LHFPL6: variants seen among roughly 807,000 people sequenced by gnomAD.
LHFPL6 encodes LHFPL tetraspan subfamily member 6 protein.
LHFPL6 carries 9 observed loss-of-function variants against 20.6 expected under a neutral mutation model. That is an observed-to-expected ratio of 0.44 (90% CI 0.26 to 0.76). LHFPL6 has a LOEUF of 0.76. LHFPL6 is among the 30% of genes least tolerant of loss of function. The pLI, the probability that LHFPL6 is intolerant of heterozygous loss-of-function variation, is 0.20. For synonymous variants in LHFPL6, 105 were observed against 98.7 expected, an observed-to-expected ratio of 1.06 and a Z score of -0.38; for missense variants, 218 against 253.5, an observed-to-expected ratio of 0.86 and a Z score of 0.95.
At chr13:39,386,776 C>A (rs1352369921) in intron 2 of LHFPL6, among the ~76,000 whole-genome samples, 1 of 152,172 alleles carries the variant, frequency 6.6e-6, no homozygotes, top group Non-Finnish European at 1.5e-5. Context: ...TGCCTGGGTG[C>A]CCTGGCCAGA....
intron 2 of LHFPL6, among the ~76,000 whole-genome samples, chr13:39,419,761 C>A (rs955143788): frequency 6.6e-6 from 1 of 152,048 alleles, no homozygotes; most frequent in African/African-American, 2.4e-5. Context: ...ATCATATTCT[C>A]CTGCTTGCAA....
chr13:39,494,140 G>T (rs964753062), intron 2 of LHFPL6, among the ~76,000 whole-genome samples: 3 of 152,194 alleles, frequency 2.0e-5, no homozygotes, highest in Admixed American at 6.5e-5. Flanking sequence ...TGGGCAGGTG[G>T]TGTTCATTTA....
At chr13:39,444,430 A>G (rs564144936) in intron 2 of LHFPL6, among the ~76,000 whole-genome samples, 1 of 152,208 alleles carries the variant, frequency 6.6e-6, no homozygotes, top group Non-Finnish European at 1.5e-5. Context: ...TCTACTCATC[A>G]AGACTATAGG....
chr13:39,542,371 G>A (rs1347972459), intron 2 of LHFPL6, among the ~76,000 whole-genome samples: 11 of 152,132 alleles, frequency 7.2e-5, no homozygotes, highest in Non-Finnish European at 1.0e-4. Context: ...GTGGCCACAC[G>A]CTCACTGTTG....
intron 2 of LHFPL6, among the ~76,000 whole-genome samples, chr13:39,508,026 CTTT>C (rs796622913): frequency 7.5e-6 from 1 of 132,780 alleles, no homozygotes. Flanking sequence ...TTGTAATTTA[CTTT>C]TTTTTTTTTG....
At chr13:39,590,158 A>C (rs918366511) in intron 2 of LHFPL6, among the ~76,000 whole-genome samples, 1 of 152,310 alleles carries the variant, frequency 6.6e-6, no homozygotes. Context: ...CAGTGTTCTC[A>C]GCTGTTAAAA....
chr13:39,582,904 T>G (rs769959817), intron 2 of LHFPL6, among the ~76,000 whole-genome samples: 1 of 152,148 alleles, frequency 6.6e-6, no homozygotes, highest in Non-Finnish European at 1.5e-5. Context: ...GATCAAAAGC[T>G]GCAAAATTGA....
intron 2 of LHFPL6, among the ~76,000 whole-genome samples, chr13:39,575,304 C>G (rs1206911873): frequency 6.6e-6 from 1 of 152,182 alleles, no homozygotes; most frequent in East Asian, 1.9e-4. Context: ...ACAATCATTT[C>G]TGAAACTATT....
Position 39,430,745 on chromosome 13 carries a change from A to G in LHFPL6, c.386-52219T>C, listed in dbSNP as rs565065918. Among the ~76,000 whole-genome samples, 234 of 152,208 alleles carry G rather than the reference A, an allele frequency of 1.5e-3. 2 individuals are homozygous for G. The highest frequency in any genetic ancestry group is 5.4e-3 in the African/African-American group (223 of 41,538). On this transcript the variant is annotated intron_variant, in intron 2 of 3. Transcript: ENST00000379589. ...ACTCTGTAAAAATGCACCAATCAGC[A>G]CTCTGTGTCTAGCTAAAGGTTTGTA...
chr13:39,471,190 C>T (rs1042171484), intron 2 of LHFPL6, among the ~76,000 whole-genome samples: 1 of 152,180 alleles, frequency 6.6e-6, no homozygotes. Context: ...AAGATGCCTG[C>T]ACTGAATATA....
chr13:39,409,179 C>T (rs1042640321), intron 2 of LHFPL6, among the ~76,000 whole-genome samples: 2 of 152,144 alleles, frequency 1.3e-5, no homozygotes, highest in African/African-American at 2.4e-5. Context: ...TACTGCCAGA[C>T]GCGGTGGCTC....
chr13:39,490,097 A>AAC (rs112167217), intron 2 of LHFPL6, among the ~76,000 whole-genome samples: 98,586 of 150,964 alleles, frequency 0.65, 32,298 homozygotes, highest in East Asian at 0.85. Flanking sequence ...CAAACAAACA[A>AAC]AAAAAAAAAC....
At chr13:39,520,236 A>C (rs749510415) in intron 2 of LHFPL6, among the ~76,000 whole-genome samples, 1 of 152,224 alleles carries the variant, frequency 6.6e-6, no homozygotes, top group African/African-American at 2.4e-5. Context: ...ACACTGGAAC[A>C]AACACTGGGA....
intron 2 of LHFPL6, among the ~76,000 whole-genome samples, chr13:39,440,531 T>C (rs1174119240): frequency 6.6e-6 from 1 of 152,214 alleles, no homozygotes; most frequent in Non-Finnish European, 1.5e-5. Context: ...AGGCACTTTC[T>C]TTGACTTTAT....
intron 3 of LHFPL6, among the ~76,000 whole-genome samples, chr13:39,377,836 C>T (rs762211272): frequency 6.6e-6 from 1 of 152,208 alleles, no homozygotes; most frequent in Non-Finnish European, 1.5e-5. Flanking sequence ...TAGCACCTGA[C>T]TCTTCCTGTT....
intron 2 of LHFPL6, among the ~76,000 whole-genome samples, chr13:39,380,400 G>A (rs1870407389): frequency 6.6e-6 from 1 of 152,152 alleles, no homozygotes; most frequent in Non-Finnish European, 1.5e-5. Flanking sequence ...CCACAGAGCA[G>A]GAGGTGAGCA....
rs67172252 is a variant in LHFPL6 at position 39,343,603 on chromosome 13, TTGTG to T, written c.*329_*332del. ...ACCCTTGTTTGTATATGTAGATTTG[TTGTG>T]TGTGTGTGTGTGTGTGTGTGTGTGT... On this transcript the variant is annotated 3_prime_UTR_variant, in exon 4 of 4. Transcript: ENST00000379589. The T allele has an allele frequency of 0.37, 72,765 of 194,044 alleles. 11,041 individuals carry two copies. Among genetic ancestry groups the T allele is most frequent in the Non-Finnish European group, 0.44 (43,133 of 99,148 alleles). The allele number at this position is 194,044 out of a possible 1,614,324, so 12.0% of individuals were successfully genotyped here. A position where few individuals can be genotyped will look rare whatever the true frequency, so the allele number is the denominator to read the frequency against.
chr13:39,353,922 C>A (rs1869661083), intron 3 of LHFPL6, among the ~76,000 whole-genome samples: 1 of 152,102 alleles, frequency 6.6e-6, no homozygotes, highest in Non-Finnish European at 1.5e-5. Flanking sequence ...GCACAGTATT[C>A]CCCAAAAGAA....
intron 2 of LHFPL6, among the ~76,000 whole-genome samples, chr13:39,594,445 A>G (rs1250124092): frequency 6.6e-6 from 1 of 152,214 alleles, no homozygotes; most frequent in Non-Finnish European, 1.5e-5. Flanking sequence ...TAGAATGGCA[A>G]TCATTAAAAA....
Sources: gnomAD v4.1 joint callset for allele counts (sites outside exome capture counted in the v4.1 genomes callset) on GRCh38, gnomAD v4.1.1 for gene constraint, MANE v1.5 for transcripts, NCBI Gene and HGNC (gene_info 2026-07-23, HGNC 2026-07-21) for gene names.